MYO5B: variants seen among roughly 807,000 people sequenced by gnomAD.
The protein encoded by MYO5B is myosin VB.
Under a neutral mutation model 229.3 loss-of-function variants are expected in MYO5B, and 143 were observed. The observed-to-expected ratio is 0.62, with a 90% CI of 0.54 to 0.72. The LOEUF is 0.72. Among genes scored for constraint, MYO5B ranks in the 30% least tolerant of loss-of-function variants. The probability of loss-of-function intolerance (pLI) is 0.00; values close to 1 mark genes in which losing one functional copy is unlikely to be tolerated. For missense variants in MYO5B, 2,321 were observed against 2,331.0 expected (o/e 1.00, Z 0.09); for synonymous variants, 918 against 885.2 (o/e 1.04, Z -0.66).
At chr18:49,952,838 T>C (rs992479996) in intron 14 of MYO5B, among the ~76,000 whole-genome samples, 3 of 152,036 alleles carry the variant, frequency 2.0e-5, no homozygotes, top group Non-Finnish European at 4.4e-5. Flanking sequence ...TAAATGCAGA[T>C]ACTAGATGTG....
chr18:50,005,542 C>G (rs1370058512), intron 4 of MYO5B, among the ~76,000 whole-genome samples: 1 of 152,184 alleles, frequency 6.6e-6, no homozygotes, highest in Non-Finnish European at 1.5e-5. Flanking sequence ...TCCCAAGTAG[C>G]TAGTATTATA....
At chr18:50,187,475 A>C (rs192901913) in intron 1 of MYO5B, among the ~76,000 whole-genome samples, 1 of 150,086 alleles carries the variant, frequency 6.7e-6, no homozygotes, top group African/African-American at 2.4e-5. Flanking sequence ...AGTCTGACAA[A>C]CCCAAAATCA....
chr18:49,945,371 T>A (rs1312622454), intron 14 of MYO5B, among the ~76,000 whole-genome samples: 2 of 152,140 alleles, frequency 1.3e-5, no homozygotes, highest in East Asian at 3.9e-4. Flanking sequence ...CTTCCTAGGT[T>A]AGGCTAGAAT....
chr18:50,026,950 G>A (rs533682053), intron 4 of MYO5B, among the ~76,000 whole-genome samples: 29 of 152,252 alleles, frequency 1.9e-4, no homozygotes, highest in Middle Eastern at 3.4e-3. Flanking sequence ...TCTCGTTACT[G>A]TCCCTGGACA....
chr18:50,106,506 G>A (rs1477330973), intron 1 of MYO5B, among the ~76,000 whole-genome samples: 1 of 152,042 alleles, frequency 6.6e-6, no homozygotes, highest in African/African-American at 2.4e-5. Flanking sequence ...TTTTTACCTT[G>A]GAAATAAGGC....
At chr18:49,965,138 C>A (rs2025607992) in intron 10 of MYO5B, among the ~76,000 whole-genome samples, 1 of 152,144 alleles carries the variant, frequency 6.6e-6, no homozygotes, top group Non-Finnish European at 1.5e-5. Context: ...CCAGTCAGGG[C>A]CTGACGTACA....
chr18:50,117,620 GA>G (rs201748887), intron 1 of MYO5B, among the ~76,000 whole-genome samples: 15 of 147,282 alleles, frequency 1.0e-4, no homozygotes, highest in Non-Finnish European at 1.5e-4. Flanking sequence ...TAAAAGCCGA[GA>G]AAAAAAAAAG....
intron 5 of MYO5B, among the ~76,000 whole-genome samples, chr18:50,000,493 G>A (rs949979569): frequency 3.9e-5 from 6 of 152,196 alleles, no homozygotes; most frequent in Non-Finnish European, 7.3e-5. Context: ...CTGTCCCAGG[G>A]ACTACGAGGC....
intron 1 of MYO5B, among the ~76,000 whole-genome samples, chr18:50,193,159 T>C (rs1353801509): frequency 2.6e-5 from 4 of 152,134 alleles, no homozygotes; most frequent in Admixed American, 6.5e-5. Flanking sequence ...CCGGCTTCAG[T>C]GAAAGAACTG....
intron 9 of MYO5B, among the ~76,000 whole-genome samples, chr18:49,977,922 G>A (rs1357166230): frequency 1.3e-5 from 2 of 152,186 alleles, no homozygotes; most frequent in African/African-American, 4.8e-5. Flanking sequence ...AAACAGAGAG[G>A]TTAGCACACT....
chr18:49,957,937 C>G (rs890669305), intron 12 of MYO5B, among the ~76,000 whole-genome samples: 8 of 152,160 alleles, frequency 5.3e-5, no homozygotes, highest in South Asian at 2.1e-4. Flanking sequence ...CTGGCCCCCC[C>G]CAGGACTCTG....
chr18:49,836,774 C>T lies in MYO5B; in HGVS notation c.5250G>A (p.Lys1750=), dbSNP rs267605195. The change falls in exon 38 of 40, where the codon AAG becomes AAA. Residue 1750 remains lysine (K), a synonymous_variant. Transcript: ENST00000285039. ...LIQAAQLLQL[K]KKTQEDAEAI... ...CCTCTGCGTCCTCCTGGGTTTTCTT[C>T]TTTAATTGCAGGAGCTGGGCTGCTT... The T allele has an allele frequency of 6.2e-7, 1 of 1,614,130 alleles. No homozygotes were observed. The highest frequency in any genetic ancestry group is 1.3e-5 in the African/African-American group (1 of 75,028).
intron 1 of MYO5B, among the ~76,000 whole-genome samples, chr18:50,152,505 A>G (rs992626191): frequency 1.3e-5 from 2 of 152,202 alleles, no homozygotes; most frequent in Non-Finnish European, 2.9e-5. Context: ...AATTTACCAA[A>G]ACCTCTGAGA....
intron 1 of MYO5B, among the ~76,000 whole-genome samples, chr18:50,105,172 T>G (rs1380771946): frequency 6.6e-6 from 1 of 150,672 alleles, no homozygotes; most frequent in Admixed American, 6.6e-5. Flanking sequence ...TCACTAGCAG[T>G]CAGGGTGTAA....
At chr18:50,116,978 ACT>A (rs1198803153) in intron 1 of MYO5B, among the ~76,000 whole-genome samples, 2 of 152,196 alleles carry the variant, frequency 1.3e-5, no homozygotes. Flanking sequence ...ACAATGACAC[ACT>A]GTCACAGCAC....
chr18:50,044,685 A>C (rs1440634000), intron 2 of MYO5B, among the ~76,000 whole-genome samples: 1 of 152,176 alleles, frequency 6.6e-6, no homozygotes, highest in Non-Finnish European at 1.5e-5. Flanking sequence ...GAAATTAATA[A>C]AATTAAATTC....
At chr18:50,053,863 A>C (rs138788772) in intron 2 of MYO5B, among the ~76,000 whole-genome samples, 1 of 152,222 alleles carries the variant, frequency 6.6e-6, no homozygotes, top group Non-Finnish European at 1.5e-5. Context: ...TGCTGTTGCC[A>C]TTCAGAGAGG....
intron 9 of MYO5B, among the ~76,000 whole-genome samples, chr18:49,977,250 A>G (rs2025761617): frequency 6.6e-6 from 1 of 152,240 alleles, no homozygotes; most frequent in Admixed American, 6.5e-5. Flanking sequence ...TGCTAAATCC[A>G]TTAAAAATAG....
intron 32 of MYO5B, among the ~76,000 whole-genome samples, chr18:49,848,437 C>T (rs906271064): frequency 7.2e-5 from 11 of 152,118 alleles, no homozygotes; most frequent in Admixed American, 5.9e-4. Context: ...AGGACCAGGA[C>T]GAGTGACACC....
Sources: gnomAD v4.1 joint callset for allele counts (sites outside exome capture counted in the v4.1 genomes callset) on GRCh38, gnomAD v4.1.1 for gene constraint, MANE v1.5 for transcripts, NCBI Gene and HGNC (gene_info 2026-07-23, HGNC 2026-07-21) for gene names.